The following COL6A1 variants were observed in gnomAD, a reference collection of about 807,000 sequenced individuals.
COL6A1 encodes the protein collagen alpha-1(VI) chain.
In COL6A1, 80 loss-of-function variants were observed where a neutral mutation model predicts 145.6. The ratio of observed to expected loss-of-function variants is 0.55; its 90% CI spans 0.46 to 0.66. The LOEUF is 0.66. Ranked by LOEUF, COL6A1 falls within the 30% of genes least tolerant of loss-of-function variation. COL6A1 has a pLI of 0.00. For missense variants in COL6A1, 1,364 were observed against 1,473.8 expected (o/e 0.93, Z 1.22); for synonymous variants, 638 against 622.8 (o/e 1.02, Z -0.36).
At chr21:45,982,003 G>T in intron 1 of COL6A1, 56 bp downstream of exon 1, 1 of 1,406,286 alleles carries the variant, frequency 7.1e-7, no homozygotes, top group Admixed American at 1.9e-5. Flanking sequence ...CTGCCGGCCA[G>T]GGCCAGATGC....
At chr21:45,983,179 G>A (rs1322666145) in intron 2 of COL6A1, among the ~76,000 whole-genome samples, 5 of 152,228 alleles carry the variant, frequency 3.3e-5, no homozygotes, top group African/African-American at 1.2e-4. Flanking sequence ...TGTTCCGTGG[G>A]CAGTGAGAGC....
intron 15 of COL6A1, 58 bp from the exon 16 acceptor site, chr21:45,991,952 G>T (rs2077779045): frequency 1.3e-6 from 2 of 1,527,690 alleles, no homozygotes; most frequent in African/African-American, 2.8e-5. Context: ...GGCCTCTGAT[G>T]GCTGCACCCC....
Position 46,001,002 on chromosome 21 carries a change from C to T in COL6A1, c.1822+235C>T, listed in dbSNP as rs187890839. On this transcript the variant is annotated intron_variant, in intron 29 of 34. Coordinates refer to ENST00000361866, the MANE Select transcript of COL6A1 (RefSeq NM_001848.3). ...TAACCAGGAGCAGGCTTGGGGGGGT[C>T]CCTGCTCCATCATTCTGGCCCACAG... 5.2e-4 allele frequency: 362 copies of T among 695,804 alleles called. 1 individual carries two copies. The African/African-American group carries it at 5.6e-3, about 11-fold the overall frequency. 43.1% of individuals were successfully genotyped at this position (695,804 alleles called of 1,614,324 possible). A position where few individuals can be genotyped will look rare whatever the true frequency, so the allele number is the denominator to read the frequency against.
Position 46,002,344 on chromosome 21 carries a change from C to G in COL6A1, c.2193C>G (p.Arg731=). 6.3e-7 allele frequency: 1 copy of G among 1,591,192 alleles called. No individual in the cohort carries two copies. Among genetic ancestry groups the G allele is most frequent in the Non-Finnish European group, 8.5e-7 (1 of 1,169,670 alleles). Residue 731 remains arginine, a synonymous_variant, in exon 32 of 35, where the codon CGC becomes CGG. Transcript: ENST00000361866. ...NRIALVITDG[R]SDTQRDTTPL... is the part of the protein sequence containing the mutation. ...TCGCCCTGGTCATCACTGACGGGCG[C>G]TCAGACACTCAGAGGGACACCACAC...
At chr21:45,987,791 G>GGGTCCAGATGGAGGGGACGGCA in intron 8 of COL6A1, 137 bp downstream of exon 8, 2 of 399,638 alleles carry the variant, frequency 5.0e-6, no homozygotes, top group Non-Finnish European at 7.2e-6. Flanking sequence ...GGGGACGGCG[G>GGGTCCAGATGGAGGGGACGGCA]GGGTCCAGAT....
In COL6A1 at chr21:46,003,219, C is replaced by G. The variant is rs2236489; in HGVS notation, c.2464+70C>G. 1,374,696 of 1,611,846 alleles carry G rather than the reference C, an allele frequency of 0.85. 587,258 individuals carry two copies. Among genetic ancestry groups the G allele is most frequent in the Admixed American group, 0.91 (54,315 of 59,980 alleles). Reference sequence around the variant, plus strand: ...GGTTGGGGCGAGGGCTCTGAGAGGACGGGGCTCTGGGAGGAGGGCCTGGCG... The same window carrying G: ...GGTTGGGGCGAGGGCTCTGAGAGGAGGGGGCTCTGGGAGGAGGGCCTGGCG... On this transcript the variant is annotated intron_variant, in intron 34 of 34. Coordinates refer to ENST00000361866, the MANE Select transcript of COL6A1 (RefSeq NM_001848.3).
Position 45,999,703 on chromosome 21 carries a change from C to T in COL6A1, c.1776+11C>T, listed in dbSNP as rs376317834. ...CCGCCTGGGCCGGACGTAAGTGGGG[C>T]TCTGTGAACATTGCTGGGGGCGACC... On this transcript the variant is annotated intron_variant, in intron 27 of 34. Transcript: ENST00000361866. The T allele has an allele frequency of 5.8e-5, 93 of 1,611,440 alleles. No homozygotes were observed. The African/African-American group carries it at 1.2e-3, about 21-fold the overall frequency.
Position 45,989,089 on chromosome 21 carries a change from A to C in COL6A1, c.810A>C (p.Glu270Asp). The C allele has an allele frequency of 1.9e-6, 3 of 1,611,670 alleles. No homozygotes were observed. The highest frequency in any genetic ancestry group is 2.5e-6 in the Non-Finnish European group (3 of 1,179,152). Residue 270 changes from glutamate to aspartate, a missense_variant, in exon 9 of 35, where the codon GAA (glutamate) becomes GAC (aspartate). Around this residue, in one of 3 missense-constraint regions of COL6A1, gnomAD observed 414 missense variants for 437.6 expected, o/e 0.95. Coordinates refer to ENST00000361866, the MANE Select transcript of COL6A1 (RefSeq NM_001848.3). ...GLRGDPGFEGERGKPGLPGEK... is the reference protein window; with the variant it reads ...GLRGDPGFEGDRGKPGLPGEK... ...TGACCTGTTTTGTGTTCCAGGGAGA[A>C]CGAGGCAAGCCGGGGCTCCCAGGAG...
intron 26 of COL6A1, 75 bp from the exon 27 acceptor site, chr21:45,999,582 G>T: frequency 1.3e-6 from 2 of 1,521,834 alleles, no homozygotes; most frequent in African/African-American, 1.4e-5. Context: ...GGCCCTGGGG[G>T]TGGGGGCTGT....
intron 33 of COL6A1, 87 bp downstream of exon 33, chr21:46,002,797 G>A (rs540457042): frequency 1.7e-5 from 25 of 1,434,506 alleles, no homozygotes; most frequent in African/African-American, 1.0e-4. Context: ...GTAGGTGCAC[G>A]CGGGGCCGCC....
intron 20 of COL6A1, among the ~76,000 whole-genome samples, chr21:45,995,264 G>A (rs1038351019): frequency 1.3e-5 from 2 of 152,248 alleles, no homozygotes; most frequent in African/African-American, 2.4e-5. Context: ...ACACCTTCCT[G>A]GGGAAGTGCA....
chr21:45,994,142 A>G lies in COL6A1; in HGVS notation c.1336-25A>G, dbSNP rs1244002661. ...TCCTCCCCAAGGATGGCCCAGCTCC[A>G]CACTCACGGCTCGTTTCTCTTCAGG... On this transcript the variant is annotated intron_variant, in intron 19 of 34. Transcript: ENST00000361866. The surrounding 1 kb of genome is among the most constrained non-coding windows in gnomAD (Gnocchi z 6.8). 6.3e-7 allele frequency: 1 copy of G among 1,586,844 alleles called. No homozygotes were observed. The highest frequency in any genetic ancestry group is 2.3e-5 in the East Asian group (1 of 43,760).
Position 46,003,967 on chromosome 21 carries a change from G to T in COL6A1, c.3041G>T (p.Arg1014Leu). Residue 1014 changes from arginine to leucine, a missense_variant, in exon 35 of 35, where the codon CGC (arginine) becomes CTC (leucine). This residue lies in a region of COL6A1 where 938 missense variants were observed against 1,003.8 expected (regional missense o/e 0.93). Coordinates refer to ENST00000361866, the MANE Select transcript of COL6A1 (RefSeq NM_001848.3). ...GTCCCCAGCTACCAGGCCCTGCTCCGCGGTGTCTTCCACCAGACAGTCTCC... is the reference window on the plus strand; with the variant it reads ...GTCCCCAGCTACCAGGCCCTGCTCCTCGGTGTCTTCCACCAGACAGTCTCC... ...FRVPSYQALL[R>L]GVFHQTVSRK... is the part of the protein sequence containing the mutation. 6.2e-7 allele frequency: 1 copy of T among 1,613,070 alleles called. No homozygotes were observed. The highest frequency in any genetic ancestry group is 1.3e-5 in the African/African-American group (1 of 75,058).
chr21:45,992,149 C>T lies in COL6A1; in HGVS notation c.1183-15C>T. 3 of 1,613,672 alleles carry T rather than the reference C, an allele frequency of 1.9e-6. No individual in the cohort carries two copies. The highest frequency in any genetic ancestry group is 1.7e-6 in the Non-Finnish European group (2 of 1,179,998). ...CAAGGAGATGGAGCGACCATTCAACCCTTGTTCCCCACAGGGCCAGCCGGG... is the reference window on the plus strand; with the variant it reads ...CAAGGAGATGGAGCGACCATTCAACTCTTGTTCCCCACAGGGCCAGCCGGG... On this transcript the variant is annotated splice_polypyrimidine_tract_variant and intron_variant, in intron 16 of 34. Coordinates refer to ENST00000361866, the MANE Select transcript of COL6A1 (RefSeq NM_001848.3).
chr21:45,992,884 C>A, intron 19 of COL6A1, 74 bp downstream of exon 19: 2 of 1,348,312 alleles, frequency 1.5e-6, no homozygotes, highest in Non-Finnish European at 2.1e-6. Context: ...GTCAGGCCTC[C>A]AGAGCCACAG....
At chr21:45,999,632 C>G in intron 26 of COL6A1, 25 bp from the exon 27 acceptor site, 1 of 1,612,926 alleles carries the variant, frequency 6.2e-7, no homozygotes, top group East Asian at 2.2e-5. Flanking sequence ...ACCCTCAGAG[C>G]TCCTCTACTC....
At position 45,992,153 on chromosome 21, in the gene COL6A1, G is replaced by A. The variant is rs1306851151; in HGVS notation, c.1183-11G>A. On this transcript the variant is annotated splice_polypyrimidine_tract_variant and intron_variant, in intron 16 of 34. Transcript: ENST00000361866. The stretch of plus-strand genomic sequence containing the variant: ...GAGATGGAGCGACCATTCAACCCTT[G>A]TTCCCCACAGGGCCAGCCGGGAGAG... 6.2e-7 allele frequency: 1 copy of A among 1,613,674 alleles called. No homozygotes were observed. Among genetic ancestry groups the A allele is most frequent in the Admixed American group, 1.7e-5 (1 of 60,028 alleles).
intron 2 of COL6A1, among the ~76,000 whole-genome samples, chr21:45,983,125 G>A (rs889398138): frequency 6.6e-6 from 1 of 152,252 alleles, no homozygotes; most frequent in Non-Finnish European, 1.5e-5. Flanking sequence ...ACGCAGTCCT[G>A]CCTGGTGCGC....
chr21:45,999,418 C>G, intron 26 of COL6A1, 200 bp downstream of exon 26: 1 of 739,888 alleles, frequency 1.4e-6, no homozygotes, highest in East Asian at 2.7e-5. Context: ...GAGCCGAGCC[C>G]AGGGACACAG....
Sources: gnomAD v4.1 joint callset for allele counts (sites outside exome capture counted in the v4.1 genomes callset) on GRCh38, gnomAD v4.1.1 for gene constraint, gnomAD v4.1.1 regional missense constraint, Gnocchi (gnomAD v3.1) non-coding constraint, MANE v1.5 for transcripts, NCBI Gene and HGNC (gene_info 2026-07-23, HGNC 2026-07-21) for gene names.